FAM107B: variants seen among roughly 807,000 people sequenced by gnomAD.
The protein encoded by FAM107B is protein FAM107B.
FAM107B carries 21 observed loss-of-function variants against 31.5 expected under a neutral mutation model. The ratio of observed to expected loss-of-function variants is 0.67; its 90% confidence interval spans 0.47 to 0.96. The LOEUF (loss-of-function observed/expected upper bound fraction) is 0.96, where lower values mean the gene tolerates loss of function less well. Among genes scored for constraint, FAM107B ranks in the 40% least tolerant of loss-of-function variants. The pLI is 0.00. For synonymous variants in FAM107B, 157 were observed against 141.5 expected, an observed-to-expected ratio of 1.11 and a Z score of -0.78; for missense variants, 452 against 377.1, an observed-to-expected ratio of 1.20 and a Z score of -1.64.
chr10:14,582,568 A>G (rs945408494), intron 2 of FAM107B, among the ~76,000 whole-genome samples: 24 of 151,132 alleles, frequency 1.6e-4, no homozygotes, highest in East Asian at 3.9e-4. Flanking sequence ...TAGTAGAGAC[A>G]GGGTTTCACC....
chr10:14,655,926 G>A (rs1453166290), intron 2 of FAM107B, among the ~76,000 whole-genome samples: 2 of 152,160 alleles, frequency 1.3e-5, no homozygotes, highest in African/African-American at 4.8e-5. Context: ...GTGAGAGGAA[G>A]CCTTTACAGA....
intron 1 of FAM107B, among the ~76,000 whole-genome samples, chr10:14,741,356 G>C (rs1856432925): frequency 6.6e-6 from 1 of 152,210 alleles, no homozygotes; most frequent in African/African-American, 2.4e-5. Flanking sequence ...TAAGGGGCTT[G>C]TTTGCCCCAC....
At chr10:14,683,938 G>T (rs960069476) in intron 1 of FAM107B, among the ~76,000 whole-genome samples, 1 of 152,226 alleles carries the variant, frequency 6.6e-6, no homozygotes, top group African/African-American at 2.4e-5. Flanking sequence ...AAAGAGAGAA[G>T]CGTGTCTTAG....
chr10:14,552,329 C>G (rs973292414), intron 2 of FAM107B, among the ~76,000 whole-genome samples: 1 of 152,210 alleles, frequency 6.6e-6, no homozygotes, highest in Non-Finnish European at 1.5e-5. Flanking sequence ...AAGAAAGACT[C>G]AGTTATAAGC....
chr10:14,748,228 A>G (rs909043559), intron 1 of FAM107B, among the ~76,000 whole-genome samples: 3 of 152,192 alleles, frequency 2.0e-5, no homozygotes, highest in Non-Finnish European at 2.9e-5. Flanking sequence ...CTGGCTTGTA[A>G]TAAGTGCTCA....
intron 2 of FAM107B, among the ~76,000 whole-genome samples, chr10:14,543,433 C>T (rs71485517): frequency 5.5e-4 from 84 of 152,138 alleles, no homozygotes; most frequent in Admixed American, 1.7e-3. Context: ...GTCCTGAGCT[C>T]GGCCTCCTGA....
At chr10:14,527,980 A>C (rs993924683) in intron 3 of FAM107B, 17 of 345,150 alleles carry the variant, frequency 4.9e-5, no homozygotes, top group Non-Finnish European at 8.9e-5. Context: ...TTTTCATTTC[A>C]TTTTGAAATC....
intron 2 of FAM107B, among the ~76,000 whole-genome samples, chr10:14,646,154 T>C (rs920475184): frequency 1.3e-5 from 2 of 152,358 alleles, no homozygotes; most frequent in Non-Finnish European, 2.9e-5. Context: ...AGTCATTAGT[T>C]ACATGTGTAT....
intron 1 of FAM107B, among the ~76,000 whole-genome samples, chr10:14,733,809 C>T (rs115068664): frequency 1.5e-3 from 226 of 152,228 alleles, no homozygotes; most frequent in African/African-American, 5.1e-3. Flanking sequence ...ATTCCAGACC[C>T]CATCTTCTTC....
intron 2 of FAM107B, among the ~76,000 whole-genome samples, chr10:14,565,905 A>T (rs1311263679): frequency 6.6e-6 from 1 of 152,154 alleles, no homozygotes; most frequent in Non-Finnish European, 1.5e-5. Context: ...CCAGCTGGCA[A>T]ATGCTGCTGA....
chr10:14,714,040 T>C (rs1273084493), intron 1 of FAM107B, among the ~76,000 whole-genome samples: 5 of 150,438 alleles, frequency 3.3e-5, no homozygotes, highest in Non-Finnish European at 5.9e-5. Flanking sequence ...GAGTGGAGGG[T>C]GGGAGGAAGG....
chr10:14,572,736 A>ATATATATATATATATATATATAT (rs1455058375), intron 2 of FAM107B, among the ~76,000 whole-genome samples: 10 of 86,486 alleles, frequency 1.2e-4, no homozygotes, highest in African/African-American at 2.4e-4. Flanking sequence ...AAAAAAAAAA[A>ATATATATATATATATATATATAT]ATTTATATAT....
chr10:14,571,975 C>G (rs570945729), intron 2 of FAM107B: 1 of 985,366 alleles, frequency 1.0e-6, no homozygotes. Context: ...ATAAAAAGAT[C>G]GCAGTAAGAA....
At chr10:14,665,790 A>T (rs1214093217) in intron 2 of FAM107B, among the ~76,000 whole-genome samples, 1 of 152,236 alleles carries the variant, frequency 6.6e-6, no homozygotes, top group Non-Finnish European at 1.5e-5. Flanking sequence ...TCCCAGTGCA[A>T]ATTGAATTGC....
At chr10:14,590,669 T>C (rs1465037871) in intron 2 of FAM107B, among the ~76,000 whole-genome samples, 1 of 152,008 alleles carries the variant, frequency 6.6e-6, no homozygotes, top group East Asian at 1.9e-4. Context: ...AACAATGAAG[T>C]TGAGAGGTGC....
chr10:14,701,158 ATT>A (rs1855390328), intron 1 of FAM107B, among the ~76,000 whole-genome samples: 2 of 152,294 alleles, frequency 1.3e-5, no homozygotes, highest in South Asian at 4.1e-4. Flanking sequence ...GGTTAATCTC[ATT>A]TAATTCCCTG....
intron 2 of FAM107B, among the ~76,000 whole-genome samples, chr10:14,573,890 G>A (rs1269839630): frequency 1.3e-5 from 2 of 151,904 alleles, no homozygotes; most frequent in East Asian, 3.9e-4. Context: ...TGATCATTGT[G>A]GATACATGAT....
chr10:14,617,079 C>G (rs1189790275), intron 2 of FAM107B, among the ~76,000 whole-genome samples: 1 of 151,616 alleles, frequency 6.6e-6, no homozygotes, highest in Non-Finnish European at 1.5e-5. Context: ...AGAGGAAGAG[C>G]TAATTACAGA....
intron 2 of FAM107B, among the ~76,000 whole-genome samples, chr10:14,566,765 A>G (rs1247086496): frequency 1.3e-5 from 2 of 152,262 alleles, no homozygotes; most frequent in African/African-American, 4.8e-5. Flanking sequence ...GGAGAGTTCC[A>G]AGAAGAGCTT....
Sources: gnomAD v4.1 joint callset for allele counts (sites outside exome capture counted in the v4.1 genomes callset) on GRCh38, gnomAD v4.1.1 for gene constraint, MANE v1.5 for transcripts, NCBI Gene and HGNC (gene_info 2026-07-23, HGNC 2026-07-21) for gene names.